CCDC91: variants seen among roughly 807,000 people sequenced by gnomAD.
CCDC91 encodes coiled-coil domain containing 91.
CCDC91 carries 48 observed loss-of-function variants against 63.2 expected under a neutral mutation model. The ratio of observed to expected loss-of-function variants is 0.76; its 90% confidence interval spans 0.60 to 0.97. CCDC91 has a LOEUF of 0.97. CCDC91 is among the 50% of genes least tolerant of loss of function. The probability of loss-of-function intolerance (pLI) is 0.00; values close to 1 mark genes in which losing one functional copy is unlikely to be tolerated. For missense variants in CCDC91, 500 were observed against 494.6 expected (o/e 1.01, Z -0.10); for synonymous variants, 167 against 165.8 (o/e 1.01, Z -0.06).
At chr12:28,289,805 C>T (rs1949126678) in intron 3 of CCDC91, among the ~76,000 whole-genome samples, 1 of 150,520 alleles carries the variant, frequency 6.6e-6, no homozygotes, top group Non-Finnish European at 1.5e-5. Flanking sequence ...CATTCTCCTG[C>T]CTCAGCCTTC....
At chr12:28,542,644 G>C (rs1475574767) in intron 12 of CCDC91, among the ~76,000 whole-genome samples, 1 of 152,026 alleles carries the variant, frequency 6.6e-6, no homozygotes, top group African/African-American at 2.4e-5. Flanking sequence ...GAATATTTTA[G>C]AGTCCAAATT....
intron 8 of CCDC91, among the ~76,000 whole-genome samples, chr12:28,409,521 C>G (rs1185202366): frequency 1.3e-5 from 2 of 151,904 alleles, no homozygotes; most frequent in Non-Finnish European, 2.9e-5. Flanking sequence ...CGTTTGGTTT[C>G]ATTGATTTTT....
At chr12:28,501,371 G>A (rs957805697) in intron 12 of CCDC91, among the ~76,000 whole-genome samples, 12 of 151,772 alleles carry the variant, frequency 7.9e-5, no homozygotes, top group African/African-American at 2.2e-4. Context: ...ATTATTTTGA[G>A]ATACGTCCCA....
chr12:28,394,391 G>A (rs1469490845), intron 8 of CCDC91, among the ~76,000 whole-genome samples: 1 of 152,018 alleles, frequency 6.6e-6, no homozygotes. Context: ...GCGTGAACCT[G>A]GGAGGTGGAG....
rs147098946 is a variant in CCDC91 at position 28,441,006 on chromosome 12, C to T, written c.763-9155C>T. Among the ~76,000 whole-genome samples the T allele has an allele frequency of 9.4e-3, 1,109 of 117,848 alleles. 13 individuals are homozygous for T. The highest frequency in any genetic ancestry group is 0.035 in the African/African-American group (1,070 of 30,962). 77.3% of individuals were successfully genotyped at this position (117,848 alleles called of 152,430 possible). ...CCGGGAGGTGGAGGTTGCAGTGAGC[C>T]AAGATCGTGCCACTGCTCTCCAGCC... is the stretch of plus-strand genomic sequence containing the variant. On this transcript the variant is annotated intron_variant, in intron 8 of 12. Transcript: ENST00000536442.
intron 12 of CCDC91, among the ~76,000 whole-genome samples, chr12:28,535,487 C>T (rs11049699): frequency 0.38 from 58,500 of 151,990 alleles, 11,676 homozygotes; most frequent in Middle Eastern, 0.46. Flanking sequence ...TCAGAGAGGA[C>T]ACTGCAGCAA....
chr12:28,533,225 A>G (rs1186629486), intron 12 of CCDC91, among the ~76,000 whole-genome samples: 2 of 152,086 alleles, frequency 1.3e-5, no homozygotes, highest in African/African-American at 2.4e-5. Flanking sequence ...GCTTTTACAT[A>G]TAACATAATT....
chr12:28,284,807 G>A (rs942701750), intron 3 of CCDC91, among the ~76,000 whole-genome samples: 1 of 152,174 alleles, frequency 6.6e-6, no homozygotes, highest in Non-Finnish European at 1.5e-5. Context: ...ATTAAAGATA[G>A]GCTGTTTACT....
intron 1 of CCDC91, among the ~76,000 whole-genome samples, chr12:28,195,152 CCGTTTTACAGAGTGCTGA>C (rs1941655376): frequency 1.1e-5 from 1 of 88,954 alleles, no homozygotes; most frequent in Non-Finnish European, 2.8e-5. Flanking sequence ...GCTGATTGGT[CCGTTTTACAGAGTGCTGA>C]TTGGTCCGTT....
chr12:28,506,640 G>A (rs1938752110), intron 12 of CCDC91, among the ~76,000 whole-genome samples: 1 of 151,886 alleles, frequency 6.6e-6, no homozygotes, highest in Admixed American at 6.6e-5. Context: ...CTCATTTAAT[G>A]CTTATAACAG....
chr12:28,234,183 A>T (rs1387219323), intron 1 of CCDC91, among the ~76,000 whole-genome samples: 1 of 152,172 alleles, frequency 6.6e-6, no homozygotes, highest in Non-Finnish European at 1.5e-5. Context: ...CATGAAAATG[A>T]TATGTACATG....
intron 12 of CCDC91, among the ~76,000 whole-genome samples, chr12:28,528,914 A>G (rs1941507848): frequency 6.6e-6 from 1 of 152,176 alleles, no homozygotes; most frequent in South Asian, 2.1e-4. Flanking sequence ...GCATCCATTA[A>G]AAGAATGATA....
chr12:28,537,295 A>G (rs1399807483), intron 12 of CCDC91, among the ~76,000 whole-genome samples: 2 of 152,224 alleles, frequency 1.3e-5, no homozygotes, highest in Non-Finnish European at 2.9e-5. Context: ...TGTTCAGGTA[A>G]TAAGCATAGC....
intron 2 of CCDC91, 127 bp downstream of exon 2, chr12:28,257,372 G>A: frequency 9.8e-6 from 6 of 611,730 alleles, no homozygotes; most frequent in Middle Eastern, 3.3e-4. Flanking sequence ...ATGTAATTCT[G>A]GAGTAAAAAG....
chr12:28,378,867 T>C (rs544014909), intron 7 of CCDC91, among the ~76,000 whole-genome samples: 3 of 152,120 alleles, frequency 2.0e-5, no homozygotes, highest in East Asian at 1.9e-4. Context: ...CAGTGGAGGA[T>C]TGAGAAAGAT....
At position 28,362,425 on chromosome 12, in the gene CCDC91, T is replaced by A; in HGVS notation, c.577-13T>A. The A allele has an allele frequency of 6.5e-7, 1 of 1,548,024 alleles. No individual in the cohort carries two copies. The highest frequency in any genetic ancestry group is 1.2e-5 in the South Asian group (1 of 81,492). On this transcript the variant is annotated splice_polypyrimidine_tract_variant and intron_variant, in intron 6 of 12. Coordinates refer to ENST00000536442, the MANE Select transcript of CCDC91 (RefSeq NM_018318.5). ...AAGAAAAACTCATGGTTTTAGTTTC[T>A]TTTTTCTTTCAGGAAAAACATAAAC...
intron 3 of CCDC91, among the ~76,000 whole-genome samples, chr12:28,279,748 A>T (rs1948475957): frequency 6.6e-6 from 1 of 151,756 alleles, no homozygotes; most frequent in Non-Finnish European, 1.5e-5. Context: ...CTAGCACATT[A>T]TAAGTTTTGG....
intron 11 of CCDC91, among the ~76,000 whole-genome samples, chr12:28,467,699 A>G (rs551839955): frequency 6.6e-6 from 1 of 152,258 alleles, no homozygotes; most frequent in South Asian, 2.1e-4. Context: ...AGGATAGACC[A>G]TATTTAAAAA....
intron 6 of CCDC91, among the ~76,000 whole-genome samples, chr12:28,313,440 G>A (rs1298485562): frequency 6.6e-6 from 1 of 151,896 alleles, no homozygotes; most frequent in Non-Finnish European, 1.5e-5. Flanking sequence ...CAGAATACTG[G>A]GCTCTGAGTT....
Sources: gnomAD v4.1 joint callset for allele counts (sites outside exome capture counted in the v4.1 genomes callset) on GRCh38, gnomAD v4.1.1 for gene constraint, MANE v1.5 for transcripts, NCBI Gene and HGNC (gene_info 2026-07-23, HGNC 2026-07-21) for gene names.